TAOK3: variants seen among roughly 807,000 people sequenced by gnomAD.
The protein encoded by TAOK3 is serine/threonine-protein kinase TAO3.
Under a neutral mutation model 120.4 loss-of-function variants are expected in TAOK3, and 40 were observed. The observed-to-expected ratio is 0.33, with a 90% CI of 0.26 to 0.43. TAOK3 has a LOEUF of 0.43. TAOK3 is among the 20% of genes least tolerant of loss of function. TAOK3 has a pLI of 1.00. For synonymous variants in TAOK3, 355 were observed against 387.5 expected, an observed-to-expected ratio of 0.92 and a Z score of 0.99; for missense variants, 821 against 1,112.1, an observed-to-expected ratio of 0.74 and a Z score of 3.72.
chr12:118,206,859 T>G (rs1312838322), intron 11 of TAOK3, among the ~76,000 whole-genome samples: 3 of 152,124 alleles, frequency 2.0e-5, no homozygotes, highest in Non-Finnish European at 2.9e-5. Flanking sequence ...CCTCCAAAAG[T>G]GCTGGGATTA....
intron 1 of TAOK3, among the ~76,000 whole-genome samples, chr12:118,369,109 T>C: frequency 6.6e-6 from 1 of 151,370 alleles, no homozygotes. Context: ...GATCGCTTGA[T>C]CTTGGGAGGC....
intron 1 of TAOK3, among the ~76,000 whole-genome samples, chr12:118,314,057 A>G (rs2043358326): frequency 6.6e-6 from 1 of 152,210 alleles, no homozygotes; most frequent in South Asian, 2.1e-4. Context: ...AAACCTTTTA[A>G]CAGTGACATT....
At chr12:118,247,101 C>T (rs1233667401) in intron 3 of TAOK3, 2 of 507,062 alleles carry the variant, frequency 3.9e-6, no homozygotes. Context: ...TGGGACAGTT[C>T]TATTTCTAGA....
At chr12:118,251,765 A>C (rs2040762402) in intron 3 of TAOK3, among the ~76,000 whole-genome samples, 1 of 152,054 alleles carries the variant, frequency 6.6e-6, no homozygotes. Context: ...TAAGTTTCAA[A>C]GCATGCTTGG....
chr12:118,206,158 T>G (rs1463101440), intron 11 of TAOK3, among the ~76,000 whole-genome samples: 1 of 152,204 alleles, frequency 6.6e-6, no homozygotes, highest in African/African-American at 2.4e-5. Context: ...ACTTGAGTCA[T>G]GGCAATGTAG....
intron 1 of TAOK3, among the ~76,000 whole-genome samples, chr12:118,314,948 A>T (rs2043395738): frequency 6.6e-6 from 1 of 151,344 alleles, no homozygotes; most frequent in South Asian, 2.1e-4. Context: ...TTTAAGATGT[A>T]GTCTCACTCT....
chr12:118,249,309 C>A (rs61945210), intron 3 of TAOK3, among the ~76,000 whole-genome samples: 18,439 of 152,088 alleles, frequency 0.12, 1,203 homozygotes, highest in Middle Eastern at 0.15. Context: ...CTCCTGTAAT[C>A]CCAGCACTTT....
chr12:118,176,161 CA>C (rs2036310046), intron 16 of TAOK3, among the ~76,000 whole-genome samples: 1 of 152,102 alleles, frequency 6.6e-6, no homozygotes, highest in African/African-American at 2.4e-5. Context: ...TCCCGCATTG[CA>C]CAAGGAGGAG....
chr12:118,226,158 A>C (rs796667104), intron 9 of TAOK3, among the ~76,000 whole-genome samples: 1 of 152,170 alleles, frequency 6.6e-6, no homozygotes, highest in Non-Finnish European at 1.5e-5. Flanking sequence ...GGCAGATCAC[A>C]AGGTCAGGAG....
intron 13 of TAOK3, among the ~76,000 whole-genome samples, chr12:118,193,655 C>A (rs1213239890): frequency 6.6e-6 from 1 of 152,162 alleles, no homozygotes; most frequent in Non-Finnish European, 1.5e-5. Flanking sequence ...CACTATGTTG[C>A]CCAGGCTGGT....
chr12:118,297,867 A>G (rs1160218469), intron 1 of TAOK3, among the ~76,000 whole-genome samples: 1 of 152,180 alleles, frequency 6.6e-6, no homozygotes, highest in Non-Finnish European at 1.5e-5. Flanking sequence ...AGGAGGCTGA[A>G]GCGATCCTTC....
intron 17 of TAOK3, among the ~76,000 whole-genome samples, chr12:118,165,247 G>A (rs78589736): frequency 0.011 from 1,623 of 152,140 alleles, 55 homozygotes; most frequent in East Asian, 0.064. Flanking sequence ...TCCCACAGAC[G>A]AAAGCTCTCC....
chr12:118,299,674 TA>T (rs1339505316), intron 1 of TAOK3, among the ~76,000 whole-genome samples: 9 of 151,898 alleles, frequency 5.9e-5, no homozygotes, highest in Admixed American at 3.3e-4. Context: ...CACGCCCGAC[TA>T]ACTTTTGTAT....
At chr12:118,339,930 C>A (rs1001789059) in intron 1 of TAOK3, among the ~76,000 whole-genome samples, 7 of 152,170 alleles carry the variant, frequency 4.6e-5, no homozygotes, top group Non-Finnish European at 1.0e-4. Flanking sequence ...TAATAAACTA[C>A]TATTCATATT....
At chr12:118,165,610 G>A (rs1428610361) in intron 17 of TAOK3, among the ~76,000 whole-genome samples, 1 of 152,208 alleles carries the variant, frequency 6.6e-6, no homozygotes, top group Non-Finnish European at 1.5e-5. Context: ...AGTGCTAAGG[G>A]TGTGAGTCAG....
At chr12:118,162,469 T>C (rs755833615) in intron 17 of TAOK3, among the ~76,000 whole-genome samples, 3 of 152,174 alleles carry the variant, frequency 2.0e-5, no homozygotes, top group Non-Finnish European at 4.4e-5. Flanking sequence ...GAAATTCTTA[T>C]AACTGTCTGG....
chr12:118,252,844 C>T (rs966191666), intron 3 of TAOK3, among the ~76,000 whole-genome samples: 1 of 151,856 alleles, frequency 6.6e-6, no homozygotes, highest in African/African-American at 2.4e-5. Flanking sequence ...CTCAGCCTCC[C>T]GAGTAGCTAA....
At chr12:118,368,359 G>A (rs1360526845) in intron 1 of TAOK3, among the ~76,000 whole-genome samples, 4 of 151,894 alleles carry the variant, frequency 2.6e-5, no homozygotes, top group African/African-American at 9.7e-5. Context: ...ACCACGCCCC[G>A]GCTAATGTTT....
At chr12:118,296,778 T>C (rs763236253) in intron 1 of TAOK3, among the ~76,000 whole-genome samples, 36 of 152,224 alleles carry the variant, frequency 2.4e-4, no homozygotes, top group Non-Finnish European at 3.7e-4. Flanking sequence ...CTGCTACATC[T>C]AGCTATTGAG....
Sources: allele counts gnomAD v4.1 joint callset (sites outside exome capture counted in the v4.1 genomes callset), GRCh38; gene constraint gnomAD v4.1.1; transcripts MANE v1.5; gene names NCBI Gene and HGNC (gene_info 2026-07-23, HGNC 2026-07-21).